CNTN5: variants seen among roughly 807,000 people sequenced by gnomAD.
CNTN5 encodes the protein contactin 5, also known as contactin-5.
A neutral mutation model predicts 129.1 loss-of-function variants in CNTN5; 77 were observed. That is an observed-to-expected ratio of 0.60 (90% confidence interval 0.50 to 0.72). CNTN5 has a LOEUF of 0.72. Among genes scored for constraint, CNTN5 ranks in the 30% least tolerant of loss-of-function variants. The pLI is 0.00. For synonymous variants in CNTN5, 509 were observed against 465.6 expected, an observed-to-expected ratio of 1.09 and a Z score of -1.20; for missense variants, 1,478 against 1,328.8, an observed-to-expected ratio of 1.11 and a Z score of -1.75.
intron 3 of CNTN5, among the ~76,000 whole-genome samples, chr11:99,727,321 A>AAAAAAAAAAAAAAAG (rs1319837016): frequency 2.4e-5 from 3 of 123,476 alleles, no homozygotes; most frequent in Non-Finnish European, 3.5e-5. Flanking sequence ...TCAAAAAAAA[A>AAAAAAAAAAAAAAAG]AAAAAAAAAA....
intron 1 of CNTN5, among the ~76,000 whole-genome samples, chr11:99,067,310 C>G (rs1015861658): frequency 3.3e-5 from 5 of 152,028 alleles, no homozygotes; most frequent in Non-Finnish European, 5.9e-5. Flanking sequence ...CAGCTCAAAG[C>G]AGCCTCACAT....
At chr11:99,828,246 A>C (rs1239131626) in intron 4 of CNTN5, among the ~76,000 whole-genome samples, 1 of 152,208 alleles carries the variant, frequency 6.6e-6, no homozygotes, top group Non-Finnish European at 1.5e-5. Context: ...TATAATGGCT[A>C]CTGCTTCTTT....
rs199920688 is a variant in CNTN5, at chr11:99,819,560, T to C, written c.72T>C (p.Leu24=). Residue 24 remains leucine (L), a synonymous_variant, in exon 4 of 25, where the codon CTT becomes CTC. Transcript: ENST00000524871. ...TMCLSEYSKS[L]PGLSTSYAAL... ...CTCTTACAGAGTATTCAAAATCTCT[T>C]CCTGGTCTCTCCACTTCATATGCTG... The C allele has an allele frequency of 1.4e-4, 227 of 1,611,462 alleles. No homozygotes were observed. The highest frequency in any genetic ancestry group is 1.8e-4 in the Non-Finnish European group (211 of 1,178,900).
intron 3 of CNTN5, among the ~76,000 whole-genome samples, chr11:99,698,870 A>G (rs1954389463): frequency 1.3e-5 from 2 of 150,664 alleles, no homozygotes; most frequent in African/African-American, 4.9e-5. Context: ...TACTGATTAA[A>G]TAAGTAGTAT....
At chr11:99,028,897 G>T (rs1167617341) in intron 1 of CNTN5, among the ~76,000 whole-genome samples, 1 of 151,768 alleles carries the variant, frequency 6.6e-6, no homozygotes, top group African/African-American at 2.4e-5. Context: ...AGTAATAGTA[G>T]TAATAGTGGC....
At chr11:100,188,404 T>C (rs1015787957) in intron 13 of CNTN5, among the ~76,000 whole-genome samples, 3 of 152,054 alleles carry the variant, frequency 2.0e-5, no homozygotes, top group African/African-American at 7.2e-5. Context: ...ACCACTGTAC[T>C]CCAGTCTGGG....
At chr11:99,910,718 G>C (rs1020521813) in intron 6 of CNTN5, among the ~76,000 whole-genome samples, 2 of 152,126 alleles carry the variant, frequency 1.3e-5, no homozygotes, top group Admixed American at 1.3e-4. Context: ...CTGGCATAGA[G>C]TAGGTATGTT....
intron 3 of CNTN5, among the ~76,000 whole-genome samples, chr11:99,757,676 G>T (rs964085163): frequency 6.6e-6 from 1 of 152,046 alleles, no homozygotes; most frequent in East Asian, 1.9e-4. Flanking sequence ...TTTTGGGGAG[G>T]GTATTACTCT....
At chr11:100,337,345 T>C (rs1952057127) in intron 21 of CNTN5, 2 of 850,458 alleles carry the variant, frequency 2.4e-6, no homozygotes, top group South Asian at 1.3e-5. Flanking sequence ...AAGTGATCGA[T>C]GCACACATGA....
At chr11:99,198,575 A>G (rs75053873) in intron 1 of CNTN5, among the ~76,000 whole-genome samples, 2,611 of 152,280 alleles carry the variant, frequency 0.017, 40 homozygotes, top group African/African-American at 0.037. Context: ...CTGTTTAACA[A>G]CAAAAAAAGA....
chr11:99,846,016 C>T (rs548111311), intron 6 of CNTN5, among the ~76,000 whole-genome samples: 2 of 151,708 alleles, frequency 1.3e-5, no homozygotes, highest in Non-Finnish European at 2.9e-5. Flanking sequence ...TGCTTATAGC[C>T]AGGTAACAAA....
rs201598345 is a variant in CNTN5, at chr11:99,359,617, ATATT to A, written c.-71+34141_-71+34144del. 5.1e-3 allele frequency among the ~76,000 whole-genome samples: 721 copies of A among 140,002 alleles called. 3 individuals are homozygous for A. The highest frequency in any genetic ancestry group is 0.018 in the Middle Eastern group (5 of 278). 91.8% of individuals were successfully genotyped at this position (140,002 alleles called of 152,430 possible). On this transcript the variant is annotated intron_variant, in intron 2 of 24. Coordinates refer to ENST00000524871, the MANE Select transcript of CNTN5 (RefSeq NM_014361.4). ...AAAAATATATTATATATGAATAAAT[ATATT>A]TATTTATATAAATATATTTATTCCA...
At chr11:99,791,650 A>G (rs1476374583) in intron 3 of CNTN5, among the ~76,000 whole-genome samples, 2 of 152,192 alleles carry the variant, frequency 1.3e-5, no homozygotes, top group Non-Finnish European at 2.9e-5. Flanking sequence ...GAATTCTGAG[A>G]AGAATGTAAT....
At chr11:99,574,065 T>A (rs1949267374) in intron 3 of CNTN5, among the ~76,000 whole-genome samples, 2 of 151,962 alleles carry the variant, frequency 1.3e-5, no homozygotes, top group South Asian at 4.2e-4. Context: ...TACCCCCCAC[T>A]CCCCGACAGG....
At chr11:99,385,050 T>C (rs971319734) in intron 2 of CNTN5, among the ~76,000 whole-genome samples, 2 of 152,210 alleles carry the variant, frequency 1.3e-5, no homozygotes, top group African/African-American at 4.8e-5. Context: ...TGTTTGTTTG[T>C]TTTTGTAAAG....
At chr11:99,745,100 GT>G (rs1944012284) in intron 3 of CNTN5, among the ~76,000 whole-genome samples, 1 of 152,144 alleles carries the variant, frequency 6.6e-6, no homozygotes, top group African/African-American at 2.4e-5. Flanking sequence ...TCCATTAAGC[GT>G]TTTTATTGGC....
intron 9 of CNTN5, among the ~76,000 whole-genome samples, chr11:100,003,592 C>A (rs1453567): frequency 0.37 from 56,881 of 151,918 alleles, 12,043 homozygotes; most frequent in African/African-American, 0.58. Context: ...TAGGAAAAAA[C>A]CAATATAAAT....
chr11:100,214,866 A>C (rs1018354655), intron 15 of CNTN5, among the ~76,000 whole-genome samples: 3 of 152,184 alleles, frequency 2.0e-5, no homozygotes, highest in Non-Finnish European at 4.4e-5. Context: ...TGGGCAAGTA[A>C]ATCAGGCAGA....
At chr11:99,747,823 A>T (rs1169347959) in intron 3 of CNTN5, among the ~76,000 whole-genome samples, 1 of 152,180 alleles carries the variant, frequency 6.6e-6, no homozygotes, top group Admixed American at 6.5e-5. Flanking sequence ...GTTTTTCATC[A>T]TTGAGTGTGA....
Sources: allele counts gnomAD v4.1 joint callset (sites outside exome capture counted in the v4.1 genomes callset), GRCh38; gene constraint gnomAD v4.1.1; transcripts MANE v1.5; gene names NCBI Gene and HGNC (gene_info 2026-07-23, HGNC 2026-07-21).